The following ZBTB20 variants were observed in gnomAD, a reference collection of about 807,000 sequenced individuals.
ZBTB20 encodes the protein zinc finger and BTB domain-containing protein 20.
A neutral mutation model predicts 56.9 loss-of-function variants in ZBTB20; 9 were observed. The ratio of observed to expected loss-of-function variants is 0.16; its 90% CI spans 0.10 to 0.28. The LOEUF (loss-of-function observed/expected upper bound fraction) is 0.28, where lower values mean the gene tolerates loss of function less well. Ranked by LOEUF, ZBTB20 falls within the 10% of genes least tolerant of loss-of-function variation. The pLI is 1.00. For synonymous variants in ZBTB20, 417 were observed against 420.7 expected (o/e 0.99, Z 0.11); for missense variants, 655 against 1,003.0 (o/e 0.65, Z 4.69).
At chr3:114,458,608 A>G (rs190563698) in intron 7 of ZBTB20, among the ~76,000 whole-genome samples, 2 of 152,270 alleles carry the variant, frequency 1.3e-5, no homozygotes, top group Admixed American at 1.3e-4. Context: ...AAAAATACCA[A>G]TGAAAACTTC....
At position 114,318,778 on chromosome 3, in the gene ZBTB20, T is replaced by C. The variant is rs971063643; in HGVS notation, c.*20227A>G. ...AAATTAAAGCAGGGCTTCGGTGGCT[T>C]TGATAATCTGACAGCTGTTATATTT... On this transcript the variant is annotated 3_prime_UTR_variant, in exon 12 of 12. Transcript: ENST00000675478. 4 of 152,172 alleles carry C rather than the reference T, an allele frequency of 2.6e-5. No individual in the cohort carries two copies. The highest frequency in any genetic ancestry group is 9.7e-5 in the African/African-American group (4 of 41,422). The allele number at this position is 152,172 out of a possible 1,614,324, so 9.4% of individuals were successfully genotyped here.
intron 2 of ZBTB20, among the ~76,000 whole-genome samples, chr3:114,995,438 T>C (rs1176068383): frequency 1.3e-5 from 2 of 151,896 alleles, no homozygotes; most frequent in African/African-American, 4.8e-5. Flanking sequence ...GACATCTGGT[T>C]ACTGTTAGAC....
Position 115,061,587 on chromosome 3 carries a change from C to CT in ZBTB20, c.-507+9631dup, listed in dbSNP as rs562346123. On this transcript the variant is annotated intron_variant, in intron 2 of 11. Coordinates refer to ENST00000675478, the MANE Select transcript of ZBTB20 (RefSeq NM_001348800.3). ...AATATTTGTTCATCATCTCTGCCTTCTCTGTGTCATCTCTGAAAATTATGT... is the reference window on the plus strand; with the variant it reads ...AATATTTGTTCATCATCTCTGCCTTCTTCTGTGTCATCTCTGAAAATTATGT... Among the ~76,000 whole-genome samples, 3 of 152,230 alleles carry CT rather than the reference C, an allele frequency of 2.0e-5. No homozygotes were observed. The East Asian group carries it at 5.8e-4, about 29-fold the overall frequency.
intron 7 of ZBTB20, among the ~76,000 whole-genome samples, chr3:114,487,031 T>C (rs1344181655): frequency 6.6e-6 from 1 of 152,188 alleles, no homozygotes; most frequent in South Asian, 2.1e-4. Context: ...ACAAGATGCC[T>C]CTGCAAGTGT....
At chr3:114,554,216 C>A (rs1289127963) in intron 6 of ZBTB20, among the ~76,000 whole-genome samples, 1 of 152,160 alleles carries the variant, frequency 6.6e-6, no homozygotes. Context: ...AAACCAAGGA[C>A]CACTTCAGTG....
intron 11 of ZBTB20, among the ~76,000 whole-genome samples, chr3:114,347,099 T>G (rs868001872): frequency 1.8e-4 from 25 of 138,440 alleles, no homozygotes; most frequent in Non-Finnish European, 1.6e-4. Context: ...TTTTTTTTTT[T>G]TTTTTTTTTT....
Position 114,875,761 on chromosome 3 carries a change from A to G in ZBTB20, c.-417+24543T>C, listed in dbSNP as rs114727637. Among the ~76,000 whole-genome samples, 1,203 of 152,264 alleles carry G rather than the reference A, an allele frequency of 7.9e-3. 13 individuals carry two copies. Among genetic ancestry groups the G allele is most frequent in the African/African-American group, 0.026 (1,089 of 41,548 alleles). Reference sequence around the variant, plus strand: ...TGGAACCTCAGTTCCCTCATCTGCAAAATTAAAATAATAACACCAGTTCTG... The same window carrying G: ...TGGAACCTCAGTTCCCTCATCTGCAGAATTAAAATAATAACACCAGTTCTG... On this transcript the variant is annotated intron_variant, in intron 4 of 11. Coordinates refer to ENST00000675478, the MANE Select transcript of ZBTB20 (RefSeq NM_001348800.3).
intron 5 of ZBTB20, among the ~76,000 whole-genome samples, chr3:114,711,758 C>G (rs945530267): frequency 5.3e-5 from 8 of 152,114 alleles, no homozygotes; most frequent in African/African-American, 1.9e-4. Flanking sequence ...TATAGTTCAT[C>G]TTTGTATCCA....
chr3:114,835,428 T>C (rs1343011202), intron 4 of ZBTB20, among the ~76,000 whole-genome samples: 3 of 152,198 alleles, frequency 2.0e-5, no homozygotes, highest in Admixed American at 2.0e-4. Flanking sequence ...TGTTTTCATA[T>C]TGTGTAAAAT....
At chr3:114,480,377 C>A (rs1395883971) in intron 7 of ZBTB20, among the ~76,000 whole-genome samples, 1 of 152,142 alleles carries the variant, frequency 6.6e-6, no homozygotes, top group African/African-American at 2.4e-5. Context: ...CAGAGGTTTG[C>A]ATATAGAGAA....
intron 1 of ZBTB20, among the ~76,000 whole-genome samples, chr3:115,119,001 T>C (rs920314493): frequency 2.0e-5 from 3 of 152,188 alleles, no homozygotes; most frequent in Non-Finnish European, 4.4e-5. Context: ...TTCCTCAGTA[T>C]AATTTATTTC....
chr3:114,576,442 C>T (rs918476514), intron 6 of ZBTB20, among the ~76,000 whole-genome samples: 8 of 126,310 alleles, frequency 6.3e-5, no homozygotes, highest in Non-Finnish European at 1.1e-4. Context: ...GCGGAGCTTG[C>T]AGTGAGTCGA....
chr3:114,710,970 A>G (rs2064035890), intron 5 of ZBTB20, among the ~76,000 whole-genome samples: 1 of 152,004 alleles, frequency 6.6e-6, no homozygotes, highest in Non-Finnish European at 1.5e-5. Flanking sequence ...TCCTACTCCA[A>G]AGTCTTTACA....
Position 114,962,340 on chromosome 3 carries a change from G to C in ZBTB20, c.-456+12026C>G, listed in dbSNP as rs1412659542. Among the ~76,000 whole-genome samples, 6 of 152,184 alleles carry C rather than the reference G, an allele frequency of 3.9e-5. No individual in the cohort carries two copies. In the East Asian group the frequency reaches 1.2e-3, roughly 29 times the overall value. ...TTCCAAAAATTAGAACCCCACCCTG[G>C]TGAAGTAATAAGTAACCCCACCCAG... On this transcript the variant is annotated intron_variant, in intron 3 of 11. Transcript: ENST00000675478.
chr3:115,075,388 T>G (rs909412020), intron 1 of ZBTB20, among the ~76,000 whole-genome samples: 7 of 152,206 alleles, frequency 4.6e-5, no homozygotes, highest in Non-Finnish European at 8.8e-5. Context: ...GTATCTGTCT[T>G]TCTATGACTG....
intron 6 of ZBTB20, among the ~76,000 whole-genome samples, chr3:114,655,862 A>G (rs1375452951): frequency 6.6e-6 from 1 of 152,222 alleles, no homozygotes; most frequent in Non-Finnish European, 1.5e-5. Flanking sequence ...TTTCTTTTAA[A>G]GAAATTAAAA....
chr3:114,790,569 C>T (rs1486490840), intron 5 of ZBTB20, among the ~76,000 whole-genome samples: 2 of 151,724 alleles, frequency 1.3e-5, no homozygotes, highest in Admixed American at 1.3e-4. Flanking sequence ...TGCATGTAGT[C>T]CAATTCAAGA....
chr3:114,963,825 C>T (rs371542898), intron 3 of ZBTB20, among the ~76,000 whole-genome samples: 4 of 151,956 alleles, frequency 2.6e-5, no homozygotes, highest in African/African-American at 9.6e-5. Context: ...CTTTTGTTTC[C>T]TTACTGAAAC....
chr3:114,331,419 A>G lies in ZBTB20; in HGVS notation c.*7586T>C, dbSNP rs1403493901. The G allele has an allele frequency of 1.3e-5, 2 of 152,286 alleles. No individual in the cohort carries two copies. Among genetic ancestry groups the G allele is most frequent in the Non-Finnish European group, 2.9e-5 (2 of 68,072 alleles). The allele number at this position is 152,286 out of a possible 1,614,324, so 9.4% of individuals were successfully genotyped here. The stretch of plus-strand genomic sequence containing the variant: ...CAATTCTGAAACATTACAAAAAGCA[A>G]CAGAGTGGGCAGGTGACTGCTTCCT... On this transcript the variant is annotated 3_prime_UTR_variant, in exon 12 of 12. Coordinates refer to ENST00000675478, the MANE Select transcript of ZBTB20 (RefSeq NM_001348800.3).
Sources: gnomAD v4.1 joint callset for allele counts (sites outside exome capture counted in the v4.1 genomes callset) on GRCh38, gnomAD v4.1.1 for gene constraint, MANE v1.5 for transcripts, NCBI Gene and HGNC (gene_info 2026-07-23, HGNC 2026-07-21) for gene names.